NEGR1: variants seen among roughly 807,000 people sequenced by gnomAD.
The protein encoded by NEGR1 is IgLON family member 4.
In NEGR1, 10 loss-of-function variants were observed where a neutral mutation model predicts 40.9. That is an observed-to-expected ratio of 0.24 (90% CI 0.15 to 0.42). NEGR1 has a LOEUF of 0.42. NEGR1 is among the 10% of genes least tolerant of loss of function. The probability of loss-of-function intolerance (pLI) is 1.00; values close to 1 mark genes in which losing one functional copy is unlikely to be tolerated. For missense variants in NEGR1, 352 were observed against 438.9 expected (o/e 0.80, Z 1.77); for synonymous variants, 185 against 166.8 (o/e 1.11, Z -0.84).
At chr1:72,076,312 T>C (rs924825910) in intron 1 of NEGR1, among the ~76,000 whole-genome samples, 2 of 152,154 alleles carry the variant, frequency 1.3e-5, no homozygotes, top group African/African-American at 4.8e-5. Flanking sequence ...GATGTGAAGA[T>C]AATAGTGCAA....
intron 1 of NEGR1, among the ~76,000 whole-genome samples, chr1:71,986,726 G>C (rs1237584147): frequency 6.6e-6 from 1 of 152,178 alleles, no homozygotes; most frequent in Non-Finnish European, 1.5e-5. Flanking sequence ...CTGATATCCT[G>C]ACCAGCCACA....
chr1:72,245,670 T>C (rs961048890), intron 1 of NEGR1, among the ~76,000 whole-genome samples: 4 of 152,152 alleles, frequency 2.6e-5, no homozygotes, highest in Admixed American at 1.3e-4. Flanking sequence ...AACACTAATT[T>C]TAAACATAAG....
chr1:71,827,667 T>C (rs1658682837), intron 2 of NEGR1, among the ~76,000 whole-genome samples: 2 of 152,050 alleles, frequency 1.3e-5, no homozygotes, highest in East Asian at 3.9e-4. Flanking sequence ...AACATTTGTT[T>C]CCAAAATTAA....
chr1:71,911,699 C>T (rs1570492530), intron 2 of NEGR1, among the ~76,000 whole-genome samples: 1 of 152,134 alleles, frequency 6.6e-6, no homozygotes, highest in Non-Finnish European at 1.5e-5. Context: ...TTCCACTACA[C>T]TAGTGTTTCC....
At chr1:71,968,162 A>G (rs947862706) in intron 1 of NEGR1, among the ~76,000 whole-genome samples, 17 of 152,192 alleles carry the variant, frequency 1.1e-4, no homozygotes, top group African/African-American at 4.1e-4. Flanking sequence ...TCAGAAATGT[A>G]AATCTGTACG....
At chr1:72,187,576 G>A (rs1273137061) in intron 1 of NEGR1, among the ~76,000 whole-genome samples, 3 of 151,178 alleles carry the variant, frequency 2.0e-5, no homozygotes, top group African/African-American at 2.4e-5. Flanking sequence ...TGTATTGAAT[G>A]CCCAGGACCA....
At chr1:71,857,873 G>C (rs1659832792) in intron 2 of NEGR1, among the ~76,000 whole-genome samples, 1 of 151,900 alleles carries the variant, frequency 6.6e-6, no homozygotes, top group Admixed American at 6.6e-5. Context: ...TCTAACTGAT[G>C]GGATTTGTTT....
chr1:72,012,138 TA>T (rs1206449359), intron 1 of NEGR1, among the ~76,000 whole-genome samples: 57 of 152,208 alleles, frequency 3.7e-4, no homozygotes, highest in African/African-American at 1.3e-3. Flanking sequence ...TTAGAATAAA[TA>T]TAACACAAGG....
At chr1:71,606,496 T>C (rs1217037329) in intron 5 of NEGR1, among the ~76,000 whole-genome samples, 2 of 152,208 alleles carry the variant, frequency 1.3e-5, no homozygotes, top group East Asian at 3.8e-4. Flanking sequence ...CTGGTTTTAG[T>C]TGCTAAGTTT....
chr1:71,877,938 C>A (rs150152460), intron 2 of NEGR1, among the ~76,000 whole-genome samples: 55 of 151,952 alleles, frequency 3.6e-4, no homozygotes, highest in African/African-American at 1.2e-3. Context: ...TATACCATGG[C>A]CTGTCATGGC....
chr1:71,927,070 C>T (rs1051966890), intron 2 of NEGR1, among the ~76,000 whole-genome samples: 3 of 152,208 alleles, frequency 2.0e-5, no homozygotes, highest in African/African-American at 7.2e-5. Flanking sequence ...AAAAGTAGCT[C>T]AATTCACCTT....
At chr1:71,655,080 A>C (rs1651836048) in intron 4 of NEGR1, among the ~76,000 whole-genome samples, 1 of 152,172 alleles carries the variant, frequency 6.6e-6, no homozygotes, top group African/African-American at 2.4e-5. Context: ...TAAAAACTAC[A>C]CAGTTTTAAT....
chr1:71,850,141 G>T (rs996204611), intron 2 of NEGR1, among the ~76,000 whole-genome samples: 19 of 60,430 alleles, frequency 3.1e-4, no homozygotes, highest in Non-Finnish European at 1.2e-4. Context: ...GTCTTTTTTT[G>T]TTTGTTTGTT....
chr1:71,572,759 C>A (rs572754332), intron 6 of NEGR1, among the ~76,000 whole-genome samples: 2 of 152,138 alleles, frequency 1.3e-5, no homozygotes, highest in Non-Finnish European at 2.9e-5. Context: ...TTAATAAATG[C>A]CTGATTTCAC....
intron 4 of NEGR1, among the ~76,000 whole-genome samples, chr1:71,688,329 G>GATATATATCTAT (rs1218984026): frequency 4.4e-5 from 3 of 68,466 alleles, no homozygotes; most frequent in African/African-American, 5.8e-5. Context: ...TATATATATA[G>GATATATATCTAT]ATAGATAGAT....
At chr1:72,113,138 C>G (rs899787748) in intron 1 of NEGR1, among the ~76,000 whole-genome samples, 2 of 151,638 alleles carry the variant, frequency 1.3e-5, no homozygotes, top group Non-Finnish European at 2.9e-5. Flanking sequence ...GAGCACTAGA[C>G]CCAAGGGTTT....
At chr1:72,051,383 A>C (rs1647058825) in intron 1 of NEGR1, among the ~76,000 whole-genome samples, 1 of 151,556 alleles carries the variant, frequency 6.6e-6, no homozygotes, top group African/African-American at 2.4e-5. Flanking sequence ...AAAAAGAAGA[A>C]ACACTTCTTT....
intron 6 of NEGR1, among the ~76,000 whole-genome samples, chr1:71,552,206 T>C (rs889158230): frequency 2.0e-5 from 3 of 151,452 alleles, no homozygotes; most frequent in Non-Finnish European, 4.4e-5. Context: ...TTGTTCTGCC[T>C]TTAGCAAGAA....
At chr1:71,486,982 G>C (rs1274326640) in intron 6 of NEGR1, 3 of 151,530 alleles carry the variant, frequency 2.0e-5, no homozygotes, top group African/African-American at 7.3e-5. Context: ...GTCTGAAACA[G>C]CAGGCCGATA....
Sources: allele counts gnomAD v4.1 joint callset (sites outside exome capture counted in the v4.1 genomes callset), GRCh38; gene constraint gnomAD v4.1.1; transcripts MANE v1.5; gene names NCBI Gene and HGNC (gene_info 2026-07-23, HGNC 2026-07-21).